The following PTPRA variants were observed in gnomAD, a reference collection of about 807,000 sequenced individuals.
The protein encoded by PTPRA is protein tyrosine phosphatase receptor type A, also known as receptor-type tyrosine-protein phosphatase alpha.
Under a neutral mutation model 104.8 loss-of-function variants are expected in PTPRA, and 25 were observed. That is an observed-to-expected ratio of 0.24 (90% CI 0.17 to 0.33). PTPRA has a LOEUF of 0.33. Among genes scored for constraint, PTPRA ranks in the 10% least tolerant of loss-of-function variants. PTPRA has a pLI of 1.00. For synonymous variants in PTPRA, 323 were observed against 368.9 expected, an observed-to-expected ratio of 0.88 and a Z score of 1.43; for missense variants, 765 against 1,015.3, an observed-to-expected ratio of 0.75 and a Z score of 3.35.
rs1004918150 is a variant in PTPRA at position 3,037,068 on chromosome 20, C to T, written c.2199-86C>T. On this transcript the variant is annotated intron_variant, in intron 22 of 23. Coordinates refer to ENST00000399903, the MANE Select transcript of PTPRA (RefSeq NM_001385305.1). This position sits in a 1 kb window ranked among gnomAD's most constrained non-coding sequence, Gnocchi z 4.3. ...AAGGCGAGCACCAGCTGCCTGCCCC[C>T]ACCTCTTCTGCCACTCACCACTGTC... is the stretch of plus-strand genomic sequence containing the variant. 4.5e-6 allele frequency: 7 copies of T among 1,548,850 alleles called. No individual in the cohort carries two copies. Among genetic ancestry groups the T allele is most frequent in the East Asian group, 2.3e-5 (1 of 44,032 alleles).
chr20:2,906,107 A>T lies in PTPRA; in HGVS notation c.-128-17100A>T, dbSNP rs199864066. Among the ~76,000 whole-genome samples, 4 of 152,330 alleles carry T rather than the reference A, an allele frequency of 2.6e-5. No individual in the cohort carries two copies. In the East Asian group the frequency reaches 5.8e-4, roughly 22 times the overall value. On this transcript the variant is annotated intron_variant, in intron 1 of 23. Coordinates refer to ENST00000399903, the MANE Select transcript of PTPRA (RefSeq NM_001385305.1). ...ATTATGGATATGATGGGTTATGGAT[A>T]TGATATATTTGTAATGAATATGCAA... is the stretch of plus-strand genomic sequence containing the variant.
rs1366534802 is a variant in PTPRA, at chr20:3,030,967, AT to A, written c.1920+3128del. On this transcript the variant is annotated intron_variant, in intron 20 of 23. Transcript: ENST00000399903. ...AGTGCTAAGATTACAGGCATGAGCC[AT>A]TGCGCCTGGCCTCCTTCTGCTCTAT... Among the ~76,000 whole-genome samples the A allele has an allele frequency of 1.6e-4, 24 of 152,218 alleles. 1 individual carries two copies. Among genetic ancestry groups the A allele is most frequent in the Admixed American group, 1.2e-3 (18 of 15,272 alleles).
intron 2 of PTPRA, among the ~76,000 whole-genome samples, chr20:2,942,936 G>A (rs912386936): frequency 5.3e-5 from 8 of 151,870 alleles, no homozygotes; most frequent in African/African-American, 1.9e-4. Context: ...ATTAGGCACA[G>A]TAAAAAATTA....
At position 2,984,966 on chromosome 20, in the gene PTPRA, A is replaced by G. The variant is rs147991353; in HGVS notation, c.443-1799A>G. ...CCCCACCCTGCTTTTTATTCCTCATAGCACTTGTCCCTGTCTAAAATTAAG... is the reference window on the plus strand; with the variant it reads ...CCCCACCCTGCTTTTTATTCCTCATGGCACTTGTCCCTGTCTAAAATTAAG... On this transcript the variant is annotated intron_variant, in intron 6 of 23. Transcript: ENST00000399903. Among the ~76,000 whole-genome samples, 512 of 152,228 alleles carry G rather than the reference A, an allele frequency of 3.4e-3. 3 individuals are homozygous for G. Among genetic ancestry groups the G allele is most frequent in the African/African-American group, 0.012 (490 of 41,536 alleles).
chr20:2,899,731 T>G (rs1217046610), intron 1 of PTPRA, among the ~76,000 whole-genome samples: 2 of 152,168 alleles, frequency 1.3e-5, no homozygotes, highest in Non-Finnish European at 2.9e-5. Flanking sequence ...CTGTAAATAA[T>G]GAAAGCCATG....
intron 2 of PTPRA, among the ~76,000 whole-genome samples, chr20:2,925,356 C>T (rs748164330): frequency 6.6e-6 from 1 of 152,174 alleles, no homozygotes; most frequent in Non-Finnish European, 1.5e-5. Context: ...CATAGGATGA[C>T]CTTGTTTTCA....
At chr20:2,917,387 A>G (rs2059942910) in intron 1 of PTPRA, among the ~76,000 whole-genome samples, 1 of 152,082 alleles carries the variant, frequency 6.6e-6, no homozygotes, top group African/African-American at 2.4e-5. Flanking sequence ...CCACAATTTC[A>G]TGAGAGATTA....
chr20:2,877,363 G>A (rs758480338), intron 1 of PTPRA, among the ~76,000 whole-genome samples: 41 of 152,126 alleles, frequency 2.7e-4, no homozygotes, highest in African/African-American at 5.8e-4. Context: ...GGGTTCAAGC[G>A]ATTCTCCTGC....
chr20:2,989,742 G>T (rs997265847), intron 9 of PTPRA, among the ~76,000 whole-genome samples: 1 of 152,202 alleles, frequency 6.6e-6, no homozygotes, highest in Non-Finnish European at 1.5e-5. Context: ...ACTCAGCTGG[G>T]CACGGTGGCT....
At chr20:2,943,790 G>A (rs936899508) in intron 2 of PTPRA, among the ~76,000 whole-genome samples, 2 of 152,006 alleles carry the variant, frequency 1.3e-5, no homozygotes, top group Non-Finnish European at 2.9e-5. Flanking sequence ...CAGATTATTT[G>A]GTTGATGTTT....
rs2061309362 is a variant in PTPRA at position 2,950,307 on chromosome 20, C to T, written c.-7+2283C>T. ...TAATTGTGGATAATCTGTTTTTTAT[C>T]TGCTACTTCTGTAATTATTTCCACA... On this transcript the variant is annotated intron_variant, in intron 3 of 23. Coordinates refer to ENST00000399903, the MANE Select transcript of PTPRA (RefSeq NM_001385305.1). This position sits in a 1 kb window ranked among gnomAD's most constrained non-coding sequence, Gnocchi z 4.0. Among the ~76,000 whole-genome samples, 1 of 151,972 alleles carries T rather than the reference C, an allele frequency of 6.6e-6. No homozygotes were observed. The highest frequency in any genetic ancestry group is 2.4e-5 in the African/African-American group (1 of 41,366).
At chr20:2,867,616 C>T in the PTPRA span, among the ~76,000 whole-genome samples, 5 of 151,636 alleles carry the variant, frequency 3.3e-5, no homozygotes, top group Non-Finnish European at 7.4e-5. Context: ...CTAGCCTTCC[C>T]TTGGCACTCC....
intron 1 of PTPRA, among the ~76,000 whole-genome samples, chr20:2,907,938 A>G (rs1029212796): frequency 1.3e-5 from 2 of 151,920 alleles, no homozygotes; most frequent in Non-Finnish European, 1.5e-5. Flanking sequence ...TTAAAAAATA[A>G]TTTTTTTGTT....
chr20:3,035,422 G>T lies in PTPRA; in HGVS notation c.1921-163G>T, dbSNP rs975121172. ...TCTGGTGAGGATCGGAGGTTAATTG[G>T]AATGATGTGATATAATGATCCTGCA... is the stretch of plus-strand genomic sequence containing the variant. On this transcript the variant is annotated intron_variant, in intron 20 of 23. Coordinates refer to ENST00000399903, the MANE Select transcript of PTPRA (RefSeq NM_001385305.1). This position sits in a 1 kb window ranked among gnomAD's most constrained non-coding sequence, Gnocchi z 5.8. Among the ~76,000 whole-genome samples, 1 of 152,184 alleles carries T rather than the reference G, an allele frequency of 6.6e-6. No individual in the cohort carries two copies. Among genetic ancestry groups the T allele is most frequent in the Non-Finnish European group, 1.5e-5 (1 of 68,040 alleles).
At position 3,038,288 on chromosome 20, in the gene PTPRA, A is replaced by G; in HGVS notation, c.*155A>G. The stretch of plus-strand genomic sequence containing the variant: ...CCTATTAGGTGGAAATTTTATATGT[A>G]AATGTGTTAGCACTGATAGTCCTTT... On this transcript the variant is annotated 3_prime_UTR_variant, in exon 24 of 24. Coordinates refer to ENST00000399903, the MANE Select transcript of PTPRA (RefSeq NM_001385305.1). 1.5e-6 allele frequency: 1 copy of G among 649,560 alleles called. No individual in the cohort carries two copies. The allele number at this position is 649,560 out of a possible 1,614,324, so 40.2% of individuals were successfully genotyped here.
In PTPRA at chr20:2,950,365, G is replaced by A. The variant is rs886401861; in HGVS notation, c.-7+2341G>A. On this transcript the variant is annotated intron_variant, in intron 3 of 23. Transcript: ENST00000399903. The surrounding 1 kb of genome is among the most constrained non-coding windows in gnomAD (Gnocchi z 4.0). ...TATAATATTAACTTGTGGGCCAGGC[G>A]TCGTGGCTCACACCTGTAATCCCAG... 5.9e-5 allele frequency among the ~76,000 whole-genome samples: 9 copies of A among 151,936 alleles called. No individual in the cohort carries two copies. Among genetic ancestry groups the A allele is most frequent in the African/African-American group, 1.7e-4 (7 of 41,354 alleles).
chr20:2,969,488 ACCTGCCCCGG>A (rs2062077970), intron 5 of PTPRA, among the ~76,000 whole-genome samples: 1 of 151,478 alleles, frequency 6.6e-6, no homozygotes, highest in Non-Finnish European at 1.5e-5. Flanking sequence ...CTCATGATCC[ACCTGCCCCGG>A]CCTCCCAAAG....
chr20:2,876,971 G>A (rs2089759419), intron 1 of PTPRA, among the ~76,000 whole-genome samples: 1 of 152,188 alleles, frequency 6.6e-6, no homozygotes, highest in South Asian at 2.1e-4. Flanking sequence ...AAGGATAAAA[G>A]TAACTTGTGC....
chr20:3,026,714 G>C lies in PTPRA; in HGVS notation c.1642G>C (p.Asp548His). The C allele has an allele frequency of 6.2e-7, 1 of 1,612,856 alleles. No individual in the cohort carries two copies. The highest frequency in any genetic ancestry group is 8.5e-7 in the Non-Finnish European group (1 of 1,178,956). Residue 548 changes from aspartate (D) to histidine (H), a missense_variant, in exon 18 of 24, where the codon GAC (aspartate) becomes CAC (histidine). By Grantham distance (81) the Asp-to-His change is moderately conservative. Transcript: ENST00000399903. Reference protein sequence around the residue: ...KKLTSIKIQNDKMRTGNLPAN... With the variant: ...KKLTSIKIQNHKMRTGNLPAN... ...GTTAACATCAATCAAAATCCAGAAT[G>C]ACAAGATGCGGACTGGAAACCTTCC...
Sources: gnomAD v4.1 joint callset for allele counts (sites outside exome capture counted in the v4.1 genomes callset) on GRCh38, gnomAD v4.1.1 for gene constraint, Gnocchi (gnomAD v3.1) non-coding constraint, MANE v1.5 for transcripts, NCBI Gene and HGNC (gene_info 2026-07-23, HGNC 2026-07-21) for gene names.